The following STK32C variants were observed in gnomAD, a reference collection of about 807,000 sequenced individuals.
STK32C encodes serine/threonine kinase 32C.
STK32C carries 31 observed loss-of-function variants against 56.5 expected under a neutral mutation model. The ratio of observed to expected loss-of-function variants is 0.55; its 90% CI spans 0.41 to 0.74. STK32C has a LOEUF of 0.74. STK32C is among the 30% of genes least tolerant of loss of function. The pLI, the probability that STK32C is intolerant of heterozygous loss-of-function variation, is 0.00. For synonymous variants in STK32C, 309 were observed against 289.4 expected (o/e 1.07, Z -0.69); for missense variants, 544 against 676.9 (o/e 0.80, Z 2.18).
chr10:132,222,846 C>T lies in STK32C; in HGVS notation c.1119+15G>A, dbSNP rs757248840. The T allele has an allele frequency of 5.8e-5, 92 of 1,589,730 alleles. No individual in the cohort carries two copies. The highest frequency in any genetic ancestry group is 7.4e-5 in the Non-Finnish European group (87 of 1,169,634). ...CATCCCCAGGGCCCCCCACCTGAGC[C>T]GCCCACAGGCTTACGTTGGGCACGA... On this transcript the variant is annotated intron_variant, in intron 9 of 11. Coordinates refer to ENST00000298630, the MANE Select transcript of STK32C (RefSeq NM_173575.4).
At chr10:132,271,127 G>A (rs2064805915) in intron 1 of STK32C, among the ~76,000 whole-genome samples, 2 of 152,130 alleles carry the variant, frequency 1.3e-5, no homozygotes, top group South Asian at 4.1e-4. Context: ...AGAAATACAG[G>A]GGGTGAGGAG....
chr10:132,320,692 T>C (rs1197516112), downstream of STK32C, among the ~76,000 whole-genome samples: 1 of 152,152 alleles, frequency 6.6e-6, no homozygotes, highest in Admixed American at 6.5e-5. Context: ...TTCAATCCTT[T>C]GTGCGCCACG....
At chr10:132,279,902 GC>G (rs1240830217) in intron 1 of STK32C, among the ~76,000 whole-genome samples, 9 of 135,458 alleles carry the variant, frequency 6.6e-5, no homozygotes, top group Admixed American at 2.3e-4. Flanking sequence ...CCATGACCAT[GC>G]CCCTACACTC....
At chr10:132,223,793 G>A (rs1459528589) in intron 8 of STK32C, among the ~76,000 whole-genome samples, 1 of 152,188 alleles carries the variant, frequency 6.6e-6, no homozygotes, top group Non-Finnish European at 1.5e-5. Context: ...CCTGGGCCTG[G>A]CTCTGACTCC....
chr10:132,295,295 A>G (rs966726076), intron 1 of STK32C, among the ~76,000 whole-genome samples: 2 of 152,204 alleles, frequency 1.3e-5, no homozygotes, highest in East Asian at 3.9e-4. Flanking sequence ...TCCTTGGAGA[A>G]ATGGCCAGTT....
At chr10:132,291,700 G>T (rs376209080) in intron 1 of STK32C, among the ~76,000 whole-genome samples, 3 of 152,182 alleles carry the variant, frequency 2.0e-5, no homozygotes, top group Admixed American at 6.5e-5. Context: ...GAGCCATGGG[G>T]CTCATGAAAC....
chr10:132,225,788 G>C lies in STK32C; in HGVS notation c.645-4C>G, dbSNP rs780553581. On this transcript the variant is annotated splice_polypyrimidine_tract_variant and splice_region_variant and intron_variant, in intron 4 of 11. Transcript: ENST00000298630. ...AATGTTGTCAGGCTTGACATCTCTA[G>C]AAAGAGCAGAAAGTGGGAAGGTGAG... The C allele has an allele frequency of 2.5e-6, 4 of 1,613,914 alleles. No homozygotes were observed. Among genetic ancestry groups the C allele is most frequent in the East Asian group, 4.5e-5 (2 of 44,900 alleles).
chr10:132,264,348 T>C (rs1303116379), intron 1 of STK32C, among the ~76,000 whole-genome samples: 1 of 152,178 alleles, frequency 6.6e-6, no homozygotes, highest in Non-Finnish European at 1.5e-5. Context: ...TGGCCCCATG[T>C]GGATGCCATC....
chr10:132,310,692 T>C (rs1008060517), upstream of STK32C, among the ~76,000 whole-genome samples: 2 of 152,210 alleles, frequency 1.3e-5, no homozygotes, highest in Non-Finnish European at 2.9e-5. This position sits in a 1 kb window ranked among gnomAD's most constrained non-coding sequence, Gnocchi z 4.6. Flanking sequence ...CCCCTTCCAA[T>C]GACAGGAGAC....
At chr10:132,298,710 C>T (rs1419533541) in intron 1 of STK32C, among the ~76,000 whole-genome samples, 1 of 151,662 alleles carries the variant, frequency 6.6e-6, no homozygotes, top group African/African-American at 2.4e-5. Context: ...GGGAGTTGAG[C>T]GCAGTGTGTG....
intron 1 of STK32C, among the ~76,000 whole-genome samples, chr10:132,300,451 G>C (rs1277167323): frequency 6.6e-6 from 1 of 152,216 alleles, no homozygotes; most frequent in South Asian, 2.1e-4. Context: ...AGCCAGGCCA[G>C]GGCAAGCACC....
rs903879950 is a variant in STK32C at position 132,290,679 on chromosome 10, G to C, written c.262+16893C>G. Among the ~76,000 whole-genome samples the C allele has an allele frequency of 3.3e-5, 5 of 152,222 alleles. 1 individual carries two copies. The highest frequency in any genetic ancestry group is 1.2e-4 in the African/African-American group (5 of 41,442). On this transcript the variant is annotated intron_variant, in intron 1 of 11. Transcript: ENST00000298630. Reference sequence around the variant, plus strand: ...AGTGTCCAGCATGCTGTGTCCTGAGGCATCCCCCTGACCACAGCCCTGGGG... The same window carrying C: ...AGTGTCCAGCATGCTGTGTCCTGAGCCATCCCCCTGACCACAGCCCTGGGG...
chr10:132,243,815 C>A (rs980868121), intron 2 of STK32C, among the ~76,000 whole-genome samples: 2 of 152,162 alleles, frequency 1.3e-5, no homozygotes, highest in Non-Finnish European at 2.9e-5. Context: ...CTAAATGCTG[C>A]GCCGCCCTGA....
chr10:132,257,445 C>T (rs1331783070), intron 1 of STK32C, among the ~76,000 whole-genome samples: 1 of 152,092 alleles, frequency 6.6e-6, no homozygotes, highest in East Asian at 1.9e-4. Flanking sequence ...TGCCTGAGAG[C>T]TCCCAGGGAG....
In STK32C at chr10:132,307,663, G is replaced by A; in HGVS notation, c.171C>T (p.Pro57=). The A allele has an allele frequency of 1.3e-6, 2 of 1,539,236 alleles. No individual in the cohort carries two copies. The highest frequency in any genetic ancestry group is 1.7e-6 in the Non-Finnish European group (2 of 1,145,416). The change falls in exon 1 of 12, where the codon CCC becomes CCT. Residue 57 remains proline (P), a synonymous_variant. Coordinates refer to ENST00000298630, the MANE Select transcript of STK32C (RefSeq NM_173575.4). The surrounding 1 kb of genome is among the most constrained non-coding windows in gnomAD (Gnocchi z 4.4). ...DSGDVRSQPR[P]LFQWSKWKKR... is the part of the protein sequence containing the mutation. ...TCTTCCACTTGCTCCACTGAAACAG[G>A]GGGCGCGGCTGCGAGCGGACATCGC...
At chr10:132,249,469 T>C (rs890851421) in intron 1 of STK32C, among the ~76,000 whole-genome samples, 1 of 152,074 alleles carries the variant, frequency 6.6e-6, no homozygotes, top group Admixed American at 6.5e-5. Flanking sequence ...CCTGTGGGCC[T>C]GGGCAGGGCT....
intron 2 of STK32C, among the ~76,000 whole-genome samples, chr10:132,229,060 G>C (rs940591298): frequency 6.6e-6 from 1 of 152,082 alleles, no homozygotes; most frequent in Non-Finnish European, 1.5e-5. Context: ...TCAATGAGCA[G>C]GGGGGTCCCT....
chr10:132,257,673 C>T (rs1488308925), intron 1 of STK32C, among the ~76,000 whole-genome samples: 3 of 151,656 alleles, frequency 2.0e-5, no homozygotes, highest in Non-Finnish European at 2.9e-5. Context: ...CCCAGGGGCG[C>T]CCACTGTGAG....
intron 1 of STK32C, among the ~76,000 whole-genome samples, chr10:132,299,997 A>G (rs2065866756): frequency 6.6e-6 from 1 of 152,230 alleles, no homozygotes; most frequent in Admixed American, 6.5e-5. Context: ...TCCTGCTCAC[A>G]TCCCAGCATC....
Sources: gnomAD v4.1 joint callset for allele counts (sites outside exome capture counted in the v4.1 genomes callset) on GRCh38, gnomAD v4.1.1 for gene constraint, Gnocchi (gnomAD v3.1) non-coding constraint, MANE v1.5 for transcripts, NCBI Gene and HGNC (gene_info 2026-07-23, HGNC 2026-07-21) for gene names.